Variants in LRRC7 observed in about 807,000 individuals in gnomAD.
LRRC7 encodes leucine rich repeat containing 7.
LRRC7 carries 23 observed loss-of-function variants against 175.7 expected under a neutral mutation model. That is an observed-to-expected ratio of 0.13 (90% CI 0.09 to 0.19). The LOEUF is 0.19. Ranked by LOEUF, LRRC7 falls within the 10% of genes least tolerant of loss-of-function variation. The pLI is 1.00. For missense variants in LRRC7, 1,354 were observed against 1,904.7 expected, an observed-to-expected ratio of 0.71 and a Z score of 5.38; for synonymous variants, 685 against 680.9, an observed-to-expected ratio of 1.01 and a Z score of -0.09.
chr1:70,129,352 T>C lies in LRRC7; in HGVS notation c.*7465T>C, dbSNP rs1666574744. ...AACGTGGCAAGTGTGAATGCCTTGC[T>C]AGACAAGATAAATAGCAACCAGAAT... is the stretch of plus-strand genomic sequence containing the variant. On this transcript the variant is annotated 3_prime_UTR_variant, in exon 27 of 27. Coordinates refer to ENST00000651989, the MANE Select transcript of LRRC7 (RefSeq NM_001370785.2). Among the ~76,000 whole-genome samples the C allele has an allele frequency of 6.6e-6, 1 of 152,074 alleles. No homozygotes were observed. The highest frequency in any genetic ancestry group is 2.4e-5 in the African/African-American group (1 of 41,396).
chr1:70,029,202 T>C (rs1235911785), intron 18 of LRRC7, among the ~76,000 whole-genome samples: 1 of 152,124 alleles, frequency 6.6e-6, no homozygotes, highest in East Asian at 1.9e-4. Context: ...AAATATAAAA[T>C]GTGTCAATAA....
At chr1:70,034,510 A>T (rs902319610) in intron 18 of LRRC7, among the ~76,000 whole-genome samples, 2 of 152,210 alleles carry the variant, frequency 1.3e-5, no homozygotes, top group Non-Finnish European at 2.9e-5. Context: ...TGAGTAGCAA[A>T]TATAGCCTCT....
At chr1:70,116,412 T>A (rs1186522441) in intron 26 of LRRC7, among the ~76,000 whole-genome samples, 1 of 152,116 alleles carries the variant, frequency 6.6e-6, no homozygotes, top group African/African-American at 2.4e-5. Flanking sequence ...CCAGGCGTGG[T>A]GGCAGGCGCC....
chr1:69,572,078 T>A (rs1645761119), intron 1 of LRRC7, among the ~76,000 whole-genome samples: 1 of 152,150 alleles, frequency 6.6e-6, no homozygotes, highest in Non-Finnish European at 1.5e-5. Context: ...GAATGTTAAT[T>A]CAAATCTGTG....
chr1:69,629,561 A>G (rs189315854), intron 1 of LRRC7, among the ~76,000 whole-genome samples: 6 of 152,174 alleles, frequency 3.9e-5, no homozygotes, highest in Admixed American at 3.3e-4. Flanking sequence ...ATTCAAACAC[A>G]CAGAGATTCT....
At chr1:70,045,051 AT>A (rs1344875747) in intron 22 of LRRC7, among the ~76,000 whole-genome samples, 1 of 152,056 alleles carries the variant, frequency 6.6e-6, no homozygotes, top group Non-Finnish European at 1.5e-5. Flanking sequence ...TTCCTGTTTT[AT>A]TGTTAATCTA....
chr1:69,909,495 G>A (rs188943705), intron 7 of LRRC7, among the ~76,000 whole-genome samples: 62 of 152,180 alleles, frequency 4.1e-4, no homozygotes, highest in Non-Finnish European at 7.2e-4. Flanking sequence ...GCATTTGCTT[G>A]TCTGTAAAGT....
intron 26 of LRRC7, among the ~76,000 whole-genome samples, chr1:70,117,804 G>A (rs1235344397): frequency 6.6e-6 from 1 of 151,920 alleles, no homozygotes; most frequent in Non-Finnish European, 1.5e-5. Flanking sequence ...CCTCAAAATT[G>A]TACACATTTT....
intron 11 of LRRC7, among the ~76,000 whole-genome samples, chr1:70,010,443 A>G (rs1656398956): frequency 6.6e-6 from 1 of 151,990 alleles, no homozygotes; most frequent in East Asian, 1.9e-4. Context: ...GCAGGAGCCT[A>G]TATCCCAGCT....
intron 2 of LRRC7, among the ~76,000 whole-genome samples, chr1:69,729,337 C>T (rs1361574257): frequency 3.3e-5 from 5 of 152,028 alleles, no homozygotes; most frequent in Admixed American, 3.3e-4. Flanking sequence ...AGTCCTAGTC[C>T]AAAGTCTAAT....
intron 1 of LRRC7, among the ~76,000 whole-genome samples, chr1:69,666,872 T>C (rs1658345986): frequency 6.6e-6 from 1 of 152,124 alleles, no homozygotes; most frequent in Non-Finnish European, 1.5e-5. Flanking sequence ...TTGCTCTTGC[T>C]TTTCTAGTTC....
At chr1:69,639,479 C>A (rs1653878270) in intron 1 of LRRC7, among the ~76,000 whole-genome samples, 1 of 151,940 alleles carries the variant, frequency 6.6e-6, no homozygotes, top group Non-Finnish European at 1.5e-5. Flanking sequence ...TCTGCAAACT[C>A]TATTTTTGTG....
intron 2 of LRRC7, among the ~76,000 whole-genome samples, chr1:69,739,647 A>T (rs898566032): frequency 1.3e-5 from 2 of 152,056 alleles, no homozygotes; most frequent in Non-Finnish European, 2.9e-5. Context: ...CATTTTTATT[A>T]TCAAAGGAAA....
At chr1:69,764,902 A>G (rs1569603583) in intron 3 of LRRC7, among the ~76,000 whole-genome samples, 1 of 152,128 alleles carries the variant, frequency 6.6e-6, no homozygotes, top group South Asian at 2.1e-4. Context: ...ATGTTAATTT[A>G]CCCTGAATCA....
chr1:69,966,672 G>T (rs1361394955), intron 8 of LRRC7, among the ~76,000 whole-genome samples: 1 of 152,184 alleles, frequency 6.6e-6, no homozygotes, highest in Non-Finnish European at 1.5e-5. Context: ...ACCATGAAAT[G>T]GGAAAGGGAG....
intron 14 of LRRC7, among the ~76,000 whole-genome samples, chr1:70,016,825 G>A (rs1657002476): frequency 1.3e-5 from 2 of 151,990 alleles, no homozygotes; most frequent in Non-Finnish European, 2.9e-5. Flanking sequence ...GGTGGTACAC[G>A]TAGGTCCTTA....
intron 1 of LRRC7, among the ~76,000 whole-genome samples, chr1:69,599,414 CAG>C (rs372138785): frequency 6.6e-6 from 1 of 152,272 alleles, no homozygotes; most frequent in African/African-American, 2.4e-5. Flanking sequence ...TAATTTATAA[CAG>C]GGGACTAGAT....
At position 69,834,788 on chromosome 1, in the gene LRRC7, A is replaced by C; in HGVS notation, c.509A>C (p.Asp170Ala). Reference sequence around the variant, plus strand: ...CTTTAACTCCTTTTTAGACTACCTGATGGCTTCACACAGCTCCTAAACCTG... The same window carrying C: ...CTTTAACTCCTTTTTAGACTACCTGCTGGCTTCACACAGCTCCTAAACCTG... ...ASVNPISKLP[D>A]GFTQLLNLTQ... The change falls in exon 6 of 27, where the codon GAT becomes GCT. Residue 170 changes from aspartate (D) to alanine (A), a missense_variant. By Grantham distance (126) the Asp-to-Ala change is moderately radical (BLOSUM62 -2). Coordinates refer to ENST00000651989, the MANE Select transcript of LRRC7 (RefSeq NM_001370785.2). The C allele has an allele frequency of 6.2e-7, 1 of 1,612,932 alleles. No homozygotes were observed. The highest frequency in any genetic ancestry group is 1.7e-4 in the Middle Eastern group (1 of 6,052).
chr1:69,710,825 G>T (rs1007908404), intron 2 of LRRC7, among the ~76,000 whole-genome samples: 1 of 152,006 alleles, frequency 6.6e-6, no homozygotes. Context: ...AAGCTCTTCT[G>T]CAGGGCTTAT....
Sources: gnomAD v4.1 joint callset for allele counts (sites outside exome capture counted in the v4.1 genomes callset) on GRCh38, gnomAD v4.1.1 for gene constraint, MANE v1.5 for transcripts, NCBI Gene and HGNC (gene_info 2026-07-23, HGNC 2026-07-21) for gene names.